The following SCAPER variants were observed in gnomAD, a reference collection of about 807,000 sequenced individuals.
SCAPER encodes the protein S-phase cyclin A associated protein in the ER.
In SCAPER, 98 loss-of-function variants were observed where a neutral mutation model predicts 182.2. The observed-to-expected ratio is 0.54, with a 90% CI of 0.46 to 0.64. The LOEUF is 0.64. SCAPER is among the 30% of genes least tolerant of loss of function. The probability of loss-of-function intolerance (pLI) is 0.00; values close to 1 mark genes in which losing one functional copy is unlikely to be tolerated. For synonymous variants in SCAPER, 605 were observed against 564.6 expected, an observed-to-expected ratio of 1.07 and a Z score of -1.01; for missense variants, 1,432 against 1,690.0, an observed-to-expected ratio of 0.85 and a Z score of 2.68.
intron 25 of SCAPER, among the ~76,000 whole-genome samples, chr15:76,470,770 T>C (rs537314121): frequency 1.3e-5 from 2 of 152,266 alleles, no homozygotes; most frequent in African/African-American, 4.8e-5. Context: ...GGAGTTTTCT[T>C]TTCTAACATA....
At position 76,702,838 on chromosome 15, in the gene SCAPER, AT is replaced by A. The variant is rs2059034151; in HGVS notation, c.2400+11del. 6.3e-7 allele frequency: 1 copy of A among 1,592,114 alleles called. No individual in the cohort carries two copies. Among genetic ancestry groups the A allele is most frequent in the Non-Finnish European group, 8.5e-7 (1 of 1,174,376 alleles). Reference sequence around the variant, plus strand: ...TAAACTATATCATTACAATATTGATATAACAACCTACCAGGACATTGCAGAG... The same window carrying A: ...TAAACTATATCATTACAATATTGATAAACAACCTACCAGGACATTGCAGAG... On this transcript the variant is annotated intron_variant, in intron 19 of 31. Coordinates refer to ENST00000563290, the MANE Select transcript of SCAPER (RefSeq NM_020843.4).
intron 28 of SCAPER, among the ~76,000 whole-genome samples, chr15:76,379,441 G>GT (rs1474920773): frequency 5.9e-5 from 9 of 151,922 alleles, no homozygotes; most frequent in Non-Finnish European, 8.8e-5. Context: ...GAGAATAATT[G>GT]TTTTTTATTT....
chr15:76,433,913 G>C (rs1017575833), intron 26 of SCAPER, among the ~76,000 whole-genome samples, 165 bp downstream of exon 26: 1 of 152,218 alleles, frequency 6.6e-6, no homozygotes, highest in East Asian at 1.9e-4. Context: ...TGGAGTGAAG[G>C]TGATAAATCT....
chr15:76,399,519 T>C (rs577801462), intron 27 of SCAPER, among the ~76,000 whole-genome samples: 5 of 152,310 alleles, frequency 3.3e-5, no homozygotes, highest in African/African-American at 1.2e-4. Context: ...ATATTAAAAT[T>C]CTGAAGCAAT....
At chr15:76,357,129 G>T (rs1224676900) in intron 29 of SCAPER, among the ~76,000 whole-genome samples, 2 of 122,392 alleles carry the variant, frequency 1.6e-5, no homozygotes, top group African/African-American at 6.2e-5. Flanking sequence ...AATTTAAAAA[G>T]AAGTAACCTT....
chr15:76,521,690 C>T (rs1213121152), intron 23 of SCAPER, among the ~76,000 whole-genome samples: 1 of 152,136 alleles, frequency 6.6e-6, no homozygotes, highest in Non-Finnish European at 1.5e-5. Flanking sequence ...GAAATACTGA[C>T]TTCTACATAT....
intron 22 of SCAPER, among the ~76,000 whole-genome samples, chr15:76,581,549 G>A (rs1370851321): frequency 6.6e-6 from 1 of 152,150 alleles, no homozygotes; most frequent in African/African-American, 2.4e-5. Flanking sequence ...CAGAATGAAG[G>A]ACAAAAACGA....
intron 25 of SCAPER, among the ~76,000 whole-genome samples, chr15:76,464,075 A>G (rs990335281): frequency 2.1e-5 from 3 of 144,674 alleles, no homozygotes; most frequent in East Asian, 2.2e-4. Context: ...GCATATTACA[A>G]TATTGTTAAC....
chr15:76,608,489 G>T (rs2050667993), intron 22 of SCAPER, among the ~76,000 whole-genome samples: 1 of 152,184 alleles, frequency 6.6e-6, no homozygotes, highest in Non-Finnish European at 1.5e-5. Context: ...GAGGCAGTCT[G>T]CCCGTTCTCA....
chr15:76,649,872 G>T (rs78105686), intron 21 of SCAPER, among the ~76,000 whole-genome samples: 7,640 of 152,048 alleles, frequency 0.05, 269 homozygotes, highest in Middle Eastern at 0.095. Context: ...AACATTAAAG[G>T]AAGTTATTCA....
chr15:76,683,136 C>T (rs1455372196), intron 20 of SCAPER, among the ~76,000 whole-genome samples: 1 of 151,794 alleles, frequency 6.6e-6, no homozygotes, highest in Non-Finnish European at 1.5e-5. Context: ...AGTCAAAACC[C>T]AACCCAAGTA....
chr15:76,781,534 G>A (rs770481529), intron 8 of SCAPER, among the ~76,000 whole-genome samples: 3 of 152,154 alleles, frequency 2.0e-5, no homozygotes. Context: ...AGGAACTACA[G>A]AGAATACCAT....
At chr15:76,535,605 T>C (rs1752494231) in intron 23 of SCAPER, among the ~76,000 whole-genome samples, 1 of 151,444 alleles carries the variant, frequency 6.6e-6, no homozygotes, top group African/African-American at 2.4e-5. Flanking sequence ...GTATCACATA[T>C]TCCACAAACA....
chr15:76,513,296 G>A (rs1001414098), intron 23 of SCAPER, among the ~76,000 whole-genome samples: 4 of 152,170 alleles, frequency 2.6e-5, no homozygotes, highest in African/African-American at 9.7e-5. Context: ...ACACAACATA[G>A]AGGCATGTTA....
At chr15:76,618,264 AACAAAAACAAAAACAAAAG>A (rs1482316518) in intron 22 of SCAPER, among the ~76,000 whole-genome samples, 3 of 152,098 alleles carry the variant, frequency 2.0e-5, no homozygotes, top group Non-Finnish European at 4.4e-5. Context: ...TGTCTCAAAA[AACAAAAACAAAAACAAAAG>A]AACACTCTTC....
At chr15:76,435,737 T>C (rs1191335555) in intron 25 of SCAPER, among the ~76,000 whole-genome samples, 4 of 152,210 alleles carry the variant, frequency 2.6e-5, no homozygotes, top group Admixed American at 1.3e-4. Flanking sequence ...ATTTTATCGA[T>C]AGTTTGGCTG....
At chr15:76,879,873 T>C (rs1488483273) in intron 2 of SCAPER, among the ~76,000 whole-genome samples, 1 of 152,204 alleles carries the variant, frequency 6.6e-6, no homozygotes, top group Non-Finnish European at 1.5e-5. Context: ...TTTTAAATCA[T>C]ACACTTAATG....
Position 76,471,345 on chromosome 15 carries a change from G to A in SCAPER, c.2955-10C>T. ...TGCATTGCAGAGAGACCTAAAAGAA[G>A]GAGAAAAACACCATTTATAAAACCC... is the stretch of plus-strand genomic sequence containing the variant. On this transcript the variant is annotated splice_polypyrimidine_tract_variant and intron_variant, in intron 24 of 31. Coordinates refer to ENST00000563290, the MANE Select transcript of SCAPER (RefSeq NM_020843.4). 2 of 1,591,068 alleles carry A rather than the reference G, an allele frequency of 1.3e-6. No homozygotes were observed. Among genetic ancestry groups the A allele is most frequent in the Non-Finnish European group, 1.7e-6 (2 of 1,171,386 alleles).
At chr15:76,765,837 G>A (rs1318221387) in intron 11 of SCAPER, among the ~76,000 whole-genome samples, 199 bp from the exon 12 acceptor site, 2 of 152,112 alleles carry the variant, frequency 1.3e-5, no homozygotes, top group Non-Finnish European at 2.9e-5. Context: ...CATTTTAAGA[G>A]CCTAGCAGCC....
Sources: allele counts gnomAD v4.1 joint callset (sites outside exome capture counted in the v4.1 genomes callset), GRCh38; gene constraint gnomAD v4.1.1; transcripts MANE v1.5; gene names NCBI Gene and HGNC (gene_info 2026-07-23, HGNC 2026-07-21).